The following FERMT2 variants were observed in gnomAD, a reference collection of about 807,000 sequenced individuals.
The protein encoded by FERMT2 is fermitin family homolog 2.
FERMT2 carries 15 observed loss-of-function variants against 82.7 expected under a neutral mutation model. The ratio of observed to expected loss-of-function variants is 0.18; its 90% CI spans 0.12 to 0.28. The LOEUF (loss-of-function observed/expected upper bound fraction) is 0.28. Ranked by LOEUF, FERMT2 falls within the 10% of genes least tolerant of loss-of-function variation. FERMT2 has a pLI of 1.00. For synonymous variants in FERMT2, 274 were observed against 271.5 expected, an observed-to-expected ratio of 1.01 and a Z score of -0.09; for missense variants, 645 against 809.4, an observed-to-expected ratio of 0.80 and a Z score of 2.46.
chr14:52,928,176 A>G (rs1483265952), intron 2 of FERMT2: 1 of 243,632 alleles, frequency 4.1e-6, no homozygotes, highest in Non-Finnish European at 8.9e-6. Context: ...TTTGTTTAGT[A>G]TTCTCACACG....
At chr14:52,913,458 C>T (rs559655535) in intron 3 of FERMT2, among the ~76,000 whole-genome samples, 1 of 152,106 alleles carries the variant, frequency 6.6e-6, no homozygotes, top group Non-Finnish European at 1.5e-5. Context: ...GCTTGAGTCA[C>T]GAGTTCCTGA....
At chr14:52,908,232 A>C (rs188316344) in intron 3 of FERMT2, among the ~76,000 whole-genome samples, 18 of 152,370 alleles carry the variant, frequency 1.2e-4, no homozygotes, top group Non-Finnish European at 2.5e-4. Context: ...TGCCCGGCAG[A>C]ATGCAAAATA....
At chr14:52,950,217 G>A (rs1890563360) in intron 2 of FERMT2, among the ~76,000 whole-genome samples, 195 bp downstream of exon 2, 1 of 152,178 alleles carries the variant, frequency 6.6e-6, no homozygotes, top group African/African-American at 2.4e-5. Context: ...TGAAAATTCA[G>A]AGAATAGCAA....
intron 3 of FERMT2, among the ~76,000 whole-genome samples, chr14:52,907,121 T>C (rs1369532956): frequency 6.6e-6 from 1 of 152,096 alleles, no homozygotes; most frequent in Non-Finnish European, 1.5e-5. Context: ...CAAGCGATCC[T>C]CCCCGCTTAA....
At chr14:52,934,429 T>G (rs11623113) in intron 2 of FERMT2, among the ~76,000 whole-genome samples, 2 of 152,128 alleles carry the variant, frequency 1.3e-5, no homozygotes, top group African/African-American at 4.8e-5. Context: ...AATCATATAA[T>G]TTATGATGTG....
intron 4 of FERMT2, among the ~76,000 whole-genome samples, chr14:52,892,160 T>G (rs113655844): frequency 4.8e-4 from 29 of 60,910 alleles, no homozygotes; most frequent in African/African-American, 1.3e-3. Context: ...GAGAAGGCTG[T>G]TTTTTGTTTT....
intron 2 of FERMT2, among the ~76,000 whole-genome samples, chr14:52,924,087 A>G (rs1889114037): frequency 6.6e-6 from 1 of 152,234 alleles, no homozygotes. Flanking sequence ...TCGTGAATTC[A>G]ACAAATACCT....
chr14:52,910,031 G>A (rs367896265), intron 3 of FERMT2, among the ~76,000 whole-genome samples: 161 of 152,218 alleles, frequency 1.1e-3, no homozygotes, highest in African/African-American at 1.7e-3. Flanking sequence ...CCAGCCTGGC[G>A]ACAGAGCGAG....
Position 52,860,349 on chromosome 14 carries a change from G to C in FERMT2, c.1719C>G (p.Phe573Leu), listed in dbSNP as rs1341413530. 2 of 1,613,780 alleles carry C rather than the reference G, an allele frequency of 1.2e-6. No individual in the cohort carries two copies. The highest frequency in any genetic ancestry group is 2.7e-5 in the African/African-American group (2 of 74,926). ...QSLPEFGITH[F>L]IARFQGGKKE... Reference sequence around the variant, plus strand: ...TGCTTAGAACCACTGACCTTGCAATGAAGTGAGTGATGCCAAATTCAGGTA... The same window carrying C: ...TGCTTAGAACCACTGACCTTGCAATCAAGTGAGTGATGCCAAATTCAGGTA... The change falls in exon 13 of 15, where the codon TTC becomes TTG. Residue 573 changes from phenylalanine to leucine, a missense_variant. By Grantham distance (22) the Phe-to-Leu change is conservative (BLOSUM62 0). Coordinates refer to ENST00000341590, the MANE Select transcript of FERMT2 (RefSeq NM_006832.3).
At chr14:52,862,103 C>T (rs2140054062) in intron 12 of FERMT2, 1 of 152,296 alleles carries the variant, frequency 6.6e-6, no homozygotes. Flanking sequence ...TCACTCTTGT[C>T]ACCCAGGCTG....
At chr14:52,878,120 C>A (rs1886079879) in intron 7 of FERMT2, among the ~76,000 whole-genome samples, 2 of 152,282 alleles carry the variant, frequency 1.3e-5, no homozygotes, top group Admixed American at 1.3e-4. Flanking sequence ...TTTGGTTCCA[C>A]TAGTCTCTCT....
At chr14:52,905,951 C>T (rs573433677) in intron 3 of FERMT2, among the ~76,000 whole-genome samples, 7 of 152,114 alleles carry the variant, frequency 4.6e-5, no homozygotes, top group Non-Finnish European at 5.9e-5. Flanking sequence ...GTTGGGGTAA[C>T]AGGAACTTGA....
At chr14:52,934,389 C>T (rs1412853653) in intron 2 of FERMT2, among the ~76,000 whole-genome samples, 1 of 151,546 alleles carries the variant, frequency 6.6e-6, no homozygotes, top group African/African-American at 2.4e-5. Context: ...GAAAACTTAA[C>T]AAGAATAGCT....
intron 1 of FERMT2, 84 bp downstream of exon 1, chr14:52,950,837 G>A: frequency 3.2e-6 from 1 of 312,658 alleles, no homozygotes. Flanking sequence ...CCTGCCGGCC[G>A]GCCCCGAGAC....
chr14:52,922,367 G>A (rs1163783295), intron 2 of FERMT2, among the ~76,000 whole-genome samples: 1 of 152,144 alleles, frequency 6.6e-6, no homozygotes. Context: ...TGCACCTAAG[G>A]AAAAGAGCTT....
chr14:52,913,458 C>A (rs559655535), intron 3 of FERMT2, among the ~76,000 whole-genome samples: 2 of 152,224 alleles, frequency 1.3e-5, no homozygotes, highest in East Asian at 1.9e-4. Flanking sequence ...GCTTGAGTCA[C>A]GAGTTCCTGA....
chr14:52,930,597 C>T (rs1347674253), intron 2 of FERMT2, among the ~76,000 whole-genome samples: 1 of 152,170 alleles, frequency 6.6e-6, no homozygotes, highest in Non-Finnish European at 1.5e-5. Context: ...AATTGTAGGG[C>T]ACCTGGCTAC....
At chr14:52,882,929 G>A (rs1229724575) in intron 4 of FERMT2, among the ~76,000 whole-genome samples, 1 of 152,238 alleles carries the variant, frequency 6.6e-6, no homozygotes, top group South Asian at 2.1e-4. Flanking sequence ...CAGGTGTGGT[G>A]GCTCACTCCT....
chr14:52,914,893 C>A (rs1222178125), intron 3 of FERMT2, among the ~76,000 whole-genome samples: 1 of 152,040 alleles, frequency 6.6e-6, no homozygotes, highest in Non-Finnish European at 1.5e-5. Flanking sequence ...GAACTCCAGA[C>A]TGGGTGACAG....
Sources: allele counts gnomAD v4.1 joint callset (sites outside exome capture counted in the v4.1 genomes callset), GRCh38; gene constraint gnomAD v4.1.1; transcripts MANE v1.5; gene names NCBI Gene and HGNC (gene_info 2026-07-23, HGNC 2026-07-21).